MLLT10: variants seen among roughly 807,000 people sequenced by gnomAD.
The protein encoded by MLLT10 is protein AF-10.
MLLT10 carries 30 observed loss-of-function variants against 129.1 expected under a neutral mutation model. The observed-to-expected ratio is 0.23, with a 90% CI of 0.17 to 0.32. The LOEUF is 0.32. Among genes scored for constraint, MLLT10 ranks in the 10% least tolerant of loss-of-function variants. The pLI, the probability that MLLT10 is intolerant of heterozygous loss-of-function variation, is 1.00. For missense variants in MLLT10, 1,119 were observed against 1,268.3 expected, an observed-to-expected ratio of 0.88 and a Z score of 1.79; for synonymous variants, 490 against 446.4, an observed-to-expected ratio of 1.10 and a Z score of -1.23.
chr10:21,647,013 G>A (rs1450670590), intron 8 of MLLT10, among the ~76,000 whole-genome samples: 3 of 152,104 alleles, frequency 2.0e-5, no homozygotes, highest in African/African-American at 7.2e-5. Context: ...CCGCCACCAC[G>A]CCCGACTAAT....
At chr10:21,584,501 A>G (rs1411670870) in intron 3 of MLLT10, among the ~76,000 whole-genome samples, 2 of 151,804 alleles carry the variant, frequency 1.3e-5, no homozygotes, top group African/African-American at 4.8e-5. Flanking sequence ...TTTTGTAGAG[A>G]TGAGGTCTCA....
intron 8 of MLLT10, chr10:21,625,846 A>G: frequency 3.9e-6 from 3 of 776,812 alleles, no homozygotes; most frequent in Non-Finnish European, 7.2e-6. Flanking sequence ...CAGACAGTGG[A>G]TCTATGATAA....
chr10:21,599,829 A>G (rs2043353087), intron 5 of MLLT10, among the ~76,000 whole-genome samples: 1 of 152,192 alleles, frequency 6.6e-6, no homozygotes, highest in African/African-American at 2.4e-5. Context: ...TGGCCTCCCA[A>G]GGTGCTAAGA....
At chr10:21,567,448 A>G (rs906203535) in intron 3 of MLLT10, among the ~76,000 whole-genome samples, 11 of 152,232 alleles carry the variant, frequency 7.2e-5, no homozygotes, top group Middle Eastern at 3.4e-3. Context: ...CTTCTCTGCT[A>G]CCACTCCAGT....
At chr10:21,697,808 C>G (rs2054517619) in intron 13 of MLLT10, among the ~76,000 whole-genome samples, 1 of 152,150 alleles carries the variant, frequency 6.6e-6, no homozygotes, top group Non-Finnish European at 1.5e-5. Flanking sequence ...AAGATAAAGA[C>G]TGTTGTATTT....
intron 3 of MLLT10, among the ~76,000 whole-genome samples, chr10:21,546,254 T>C (rs2036057091): frequency 6.6e-6 from 1 of 151,868 alleles, no homozygotes; most frequent in Admixed American, 6.6e-5. Flanking sequence ...GTTTTTGTAT[T>C]TTTAGTAGAA....
In MLLT10 at chr10:21,615,604, A is replaced by G. The variant is rs150974718; in HGVS notation, c.603+680A>G. On this transcript the variant is annotated intron_variant, in intron 7 of 22. Transcript: ENST00000307729. ...ATTGGATTTTTGGTGCCAATTTTAC[A>G]TTTTGTGATTATCACTTTGTTTCTC... Among the ~76,000 whole-genome samples the G allele has an allele frequency of 3.9e-3, 596 of 151,946 alleles. 8 individuals carry two copies. Among genetic ancestry groups the G allele is most frequent in the African/African-American group, 0.014 (567 of 41,464 alleles).
intron 4 of MLLT10, among the ~76,000 whole-genome samples, chr10:21,588,999 T>G (rs2042256613): frequency 1.3e-5 from 2 of 151,946 alleles, no homozygotes; most frequent in Non-Finnish European, 2.9e-5. Context: ...GATTTTTTTA[T>G]TTTTAGTAGA....
chr10:21,658,764 A>G (rs906221496), intron 9 of MLLT10, among the ~76,000 whole-genome samples: 1 of 152,102 alleles, frequency 6.6e-6, no homozygotes, highest in African/African-American at 2.4e-5. Context: ...TCTTGGGTTA[A>G]TGCATTCTCC....
At chr10:21,605,310 T>C (rs1290871927) in intron 5 of MLLT10, among the ~76,000 whole-genome samples, 1 of 152,116 alleles carries the variant, frequency 6.6e-6, no homozygotes, top group Admixed American at 6.6e-5. Flanking sequence ...CAAGAGAATA[T>C]TGTACTGATG....
intron 6 of MLLT10, among the ~76,000 whole-genome samples, chr10:21,613,192 CAAAAAAAAAAAAA>C (rs993493277): frequency 8.5e-4 from 21 of 24,644 alleles, no homozygotes; most frequent in African/African-American, 2.4e-3. Context: ...GACTCTGTCT[CAAAAAAAAAAAAA>C]AAAAAAAAAA....
chr10:21,580,551 GCTAA>G (rs2131070631), intron 3 of MLLT10, among the ~76,000 whole-genome samples: 1 of 152,068 alleles, frequency 6.6e-6, no homozygotes, highest in South Asian at 2.1e-4. Flanking sequence ...ACCACGCCTG[GCTAA>G]CTTTTTTTGT....
intron 13 of MLLT10, among the ~76,000 whole-genome samples, chr10:21,711,988 C>G (rs2056135349): frequency 6.6e-6 from 1 of 152,122 alleles, no homozygotes; most frequent in African/African-American, 2.4e-5. Flanking sequence ...ATCTCCAGGG[C>G]TTAGAATAAT....
chr10:21,621,720 G>A (rs2131230945), intron 8 of MLLT10, among the ~76,000 whole-genome samples: 1 of 151,996 alleles, frequency 6.6e-6, no homozygotes, highest in Middle Eastern at 3.4e-3. Flanking sequence ...GCCCATGGGC[G>A]TAAAGGAGAG....
intron 8 of MLLT10, among the ~76,000 whole-genome samples, chr10:21,635,942 T>G (rs1275588136): frequency 6.7e-6 from 1 of 150,288 alleles, no homozygotes; most frequent in Non-Finnish European, 1.5e-5. Context: ...TTTTTTTTTT[T>G]TTTTTACATT....
chr10:21,708,767 T>C (rs1554858807), intron 13 of MLLT10: 1 of 984,426 alleles, frequency 1.0e-6, no homozygotes, highest in Non-Finnish European at 1.2e-6. Flanking sequence ...TTTTACTGCA[T>C]GTTGTGATGG....
At chr10:21,597,716 C>T (rs903191411) in intron 5 of MLLT10, among the ~76,000 whole-genome samples, 2 of 152,262 alleles carry the variant, frequency 1.3e-5, no homozygotes, top group South Asian at 2.1e-4. Context: ...AGTCTTTCCC[C>T]GAGTTTCAGA....
chr10:21,698,820 AT>A (rs1388459090), intron 13 of MLLT10, among the ~76,000 whole-genome samples: 1 of 152,076 alleles, frequency 6.6e-6, no homozygotes, highest in East Asian at 1.9e-4. Context: ...TCCCCTGATG[AT>A]TAGTGATGTT....
At chr10:21,665,625 T>C (rs553576579) in intron 9 of MLLT10, among the ~76,000 whole-genome samples, 1 of 152,180 alleles carries the variant, frequency 6.6e-6, no homozygotes, top group South Asian at 2.1e-4. Context: ...AGTCATGTTA[T>C]GAGTTTATTC....
Sources: allele counts gnomAD v4.1 joint callset (sites outside exome capture counted in the v4.1 genomes callset), GRCh38; gene constraint gnomAD v4.1.1; transcripts MANE v1.5; gene names NCBI Gene and HGNC (gene_info 2026-07-23, HGNC 2026-07-21).